The following UROC1 variants were observed in gnomAD, a reference collection of about 807,000 sequenced individuals.
UROC1 encodes urocanate hydratase 1.
Under a neutral mutation model 89.5 loss-of-function variants are expected in UROC1, and 79 were observed. The ratio of observed to expected loss-of-function variants is 0.88; its 90% CI spans 0.74 to 1.06. The LOEUF is 1.06. Ranked by LOEUF, UROC1 falls within the 50% of genes least tolerant of loss-of-function variation. UROC1 has a pLI of 0.00. For missense variants in UROC1, 885 were observed against 907.8 expected, an observed-to-expected ratio of 0.97 and a Z score of 0.32; for synonymous variants, 361 against 354.8, an observed-to-expected ratio of 1.02 and a Z score of -0.20.
In UROC1 at chr3:126,500,043, C is replaced by T; in HGVS notation, c.1243+14G>A. 1 of 1,611,116 alleles carries T rather than the reference C, an allele frequency of 6.2e-7. No homozygotes were observed. Among genetic ancestry groups the T allele is most frequent in the Middle Eastern group, 1.7e-4 (1 of 6,056 alleles). ...GGTGGCCCCTCCCTCCTCCTCCCTCCTCCTTCCTCCTACCTGCTCTCTGGG... is the reference window on the plus strand; with the variant it reads ...GGTGGCCCCTCCCTCCTCCTCCCTCTTCCTTCCTCCTACCTGCTCTCTGGG... On this transcript the variant is annotated intron_variant, in intron 12 of 19. Transcript: ENST00000290868.
chr3:126,510,139 A>G (rs1468271258), intron 2 of UROC1, among the ~76,000 whole-genome samples: 1 of 152,162 alleles, frequency 6.6e-6, no homozygotes, highest in Admixed American at 6.5e-5. Context: ...CACCTTCAAG[A>G]ACAATGAACT....
At chr3:126,489,904 G>A (rs942920859) in intron 16 of UROC1, among the ~76,000 whole-genome samples, 10 of 152,210 alleles carry the variant, frequency 6.6e-5, no homozygotes, top group African/African-American at 9.7e-5. Flanking sequence ...TCACACCATT[G>A]TAAAGCAGAA....
Position 126,501,204 on chromosome 3 carries a change from C to T in UROC1, c.965+14G>A, listed in dbSNP as rs1306402668. Reference sequence around the variant, plus strand: ...GGTTCCCAAGCTGGCCATCAACTCCCAACCCCCACTCACCAAAGAGCCACC... The same window carrying T: ...GGTTCCCAAGCTGGCCATCAACTCCTAACCCCCACTCACCAAAGAGCCACC... On this transcript the variant is annotated intron_variant, in intron 10 of 19. Coordinates refer to ENST00000290868, the MANE Select transcript of UROC1 (RefSeq NM_144639.3). The T allele has an allele frequency of 2.5e-6, 4 of 1,613,942 alleles. No individual in the cohort carries two copies. The highest frequency in any genetic ancestry group is 3.4e-6 in the Non-Finnish European group (4 of 1,179,926).
intron 1 of UROC1, among the ~76,000 whole-genome samples, chr3:126,513,428 A>G (rs1346179619): frequency 6.6e-6 from 1 of 152,128 alleles, no homozygotes; most frequent in Non-Finnish European, 1.5e-5. Flanking sequence ...CCTTCTCCAC[A>G]TCTGTGCACA....
intron 11 of UROC1, 41 bp downstream of exon 11, chr3:126,500,654 C>A (rs1220795682): frequency 6.2e-7 from 1 of 1,613,058 alleles, no homozygotes; most frequent in Admixed American, 1.7e-5. Context: ...GGTGGTCTGC[C>A]CAGGCCAAAT....
chr3:126,517,501 C>T (rs1936354821), intron 1 of UROC1, 93 bp downstream of exon 1: 1 of 1,600,020 alleles, frequency 6.2e-7, no homozygotes. Context: ...TGAGCAGCTC[C>T]CACTAAGAGG....
At chr3:126,502,724 ATG>A (rs1935962666) in intron 9 of UROC1, among the ~76,000 whole-genome samples, 1 of 140,176 alleles carries the variant, frequency 7.1e-6, no homozygotes, top group African/African-American at 2.7e-5. Context: ...GTTGTGTGTT[ATG>A]TGTCTGTTTA....
chr3:126,483,357 G>A lies in UROC1; in HGVS notation c.1890+12C>T. ...CTGCCTTCAGGAGGTGGCAAGGACT[G>A]GGCTGACTTACACCATTGGAGACAT... On this transcript the variant is annotated intron_variant, in intron 19 of 19. Coordinates refer to ENST00000290868, the MANE Select transcript of UROC1 (RefSeq NM_144639.3). 6.2e-7 allele frequency: 1 copy of A among 1,611,334 alleles called. No individual in the cohort carries two copies. The highest frequency in any genetic ancestry group is 8.5e-7 in the Non-Finnish European group (1 of 1,179,058).
chr3:126,492,243 C>T (rs1010017894), intron 16 of UROC1, among the ~76,000 whole-genome samples, 175 bp downstream of exon 16: 6 of 152,190 alleles, frequency 3.9e-5, no homozygotes, highest in Non-Finnish European at 8.8e-5. Context: ...GAGCTAAGCT[C>T]CCGGGAGGGG....
chr3:126,501,344 C>T (rs1402347099), intron 9 of UROC1, 64 bp from the exon 10 acceptor site: 2 of 1,589,630 alleles, frequency 1.3e-6, no homozygotes, highest in Middle Eastern at 3.3e-4. Flanking sequence ...CCAGACACAC[C>T]TGCACCCCAG....
rs373743584 is a variant in UROC1 at position 126,510,689 on chromosome 3, G to A, written c.232C>T (p.Arg78Trp). Reference sequence around the variant, plus strand: ...CTCATTTCAATGTCGGGGCAAAACCGGTACATGTAGATGTGTCCGTACAGT... The same window carrying A: ...CTCATTTCAATGTCGGGGCAAAACCAGTACATGTAGATGTGTCCGTACAGT... Reference protein sequence around the residue: ...LQLYGHIYMYRFCPDIEMRAY... With the variant: ...LQLYGHIYMYWFCPDIEMRAY... Residue 78 changes from arginine to tryptophan, a missense_variant, in exon 2 of 20, where the codon CGG becomes TGG. Arg to Trp is a moderately radical substitution (Grantham distance 101, BLOSUM62 -3). Coordinates refer to ENST00000290868, the MANE Select transcript of UROC1 (RefSeq NM_144639.3). 7.2e-5 allele frequency: 116 copies of A among 1,613,996 alleles called. No homozygotes were observed. Among genetic ancestry groups the A allele is most frequent in the Non-Finnish European group, 8.8e-5 (104 of 1,180,048 alleles).
In UROC1 at chr3:126,517,615, G is replaced by T. The variant is rs1347513754; in HGVS notation, c.105C>A (p.Ser35Arg). The T allele has an allele frequency of 5.0e-6, 8 of 1,612,138 alleles. No homozygotes were observed. In the African/African-American group the frequency reaches 8.0e-5, roughly 16 times the overall value. ...TTACCTGTTTCTCCACAGGGCTGAG[G>T]CTGGGGGTCCTGACAGGGGCATGGG... Reference protein sequence around the residue: ...GVPHAPVRTPSLSPVEKQLAL... With the variant: ...GVPHAPVRTPRLSPVEKQLAL... Residue 35 changes from serine (S) to arginine (R), a missense_variant, in exon 1 of 20, where the codon AGC (serine) becomes AGA (arginine). Ser to Arg is a moderately radical substitution (Grantham distance 110). Coordinates refer to ENST00000290868, the MANE Select transcript of UROC1 (RefSeq NM_144639.3).
intron 1 of UROC1, 124 bp downstream of exon 1, chr3:126,517,470 C>T: frequency 6.8e-7 from 1 of 1,477,566 alleles, no homozygotes; most frequent in Non-Finnish European, 9.3e-7. Context: ...GCTGGAGCCC[C>T]TGGAGTCCAG....
At chr3:126,500,006 T>C in intron 12 of UROC1, 51 bp downstream of exon 12, 1 of 1,562,212 alleles carries the variant, frequency 6.4e-7, no homozygotes, top group African/African-American at 1.3e-5. Context: ...CCTGAGAGGC[T>C]GGGCCCAGGG....
intron 4 of UROC1, 53 bp from the exon 5 acceptor site, chr3:126,508,148 C>G: frequency 6.2e-7 from 1 of 1,612,204 alleles, no homozygotes; most frequent in Non-Finnish European, 8.5e-7. Flanking sequence ...GCACCCCACA[C>G]CCAGCCCCAC....
At chr3:126,514,738 T>C (rs1200175091) in intron 1 of UROC1, among the ~76,000 whole-genome samples, 1 of 151,770 alleles carries the variant, frequency 6.6e-6, no homozygotes, top group East Asian at 2.0e-4. Flanking sequence ...CCTGAGTAGT[T>C]TTCAGTAAAG....
At chr3:126,490,599 C>T (rs1006064689) in intron 16 of UROC1, among the ~76,000 whole-genome samples, 2 of 151,690 alleles carry the variant, frequency 1.3e-5, no homozygotes, top group East Asian at 1.9e-4. Context: ...GCATGAGAAT[C>T]GCTTTAATCT....
chr3:126,505,958 A>G lies in UROC1; in HGVS notation c.656T>C (p.Val219Ala). ...SYCYIGPQGI[V>A]HGTVLTVLNA... ...CCCATCTCTCACCACAGTGCCATGA[A>G]CGATTCCCTGGGGACCGATGTAGCA... The change falls in exon 7 of 20, where the codon GTT (valine) becomes GCT (alanine). Residue 219 changes from valine to alanine, a missense_variant. Coordinates refer to ENST00000290868, the MANE Select transcript of UROC1 (RefSeq NM_144639.3). 6.2e-7 allele frequency: 1 copy of G among 1,613,392 alleles called. No homozygotes were observed.
At chr3:126,512,022 T>C (rs2107550906) in intron 1 of UROC1, among the ~76,000 whole-genome samples, 1 of 152,378 alleles carries the variant, frequency 6.6e-6, no homozygotes, top group Non-Finnish European at 1.5e-5. Flanking sequence ...TCATCCTCTG[T>C]ATCTAGAGTT....
Sources: allele counts gnomAD v4.1 joint callset (sites outside exome capture counted in the v4.1 genomes callset), GRCh38; gene constraint gnomAD v4.1.1; transcripts MANE v1.5; gene names NCBI Gene and HGNC (gene_info 2026-07-23, HGNC 2026-07-21).